Variants in STK32B observed in about 807,000 individuals in gnomAD.
STK32B encodes serine/threonine kinase 32B.
A neutral mutation model predicts 52.6 loss-of-function variants in STK32B; 43 were observed. That is an observed-to-expected ratio of 0.82 (90% CI 0.64 to 1.05). STK32B has a LOEUF of 1.05. Among genes scored for constraint, STK32B ranks in the 50% least tolerant of loss-of-function variants. The probability of loss-of-function intolerance (pLI) is 0.00; values close to 1 mark genes in which losing one functional copy is unlikely to be tolerated. For missense variants in STK32B, 621 were observed against 534.6 expected, an observed-to-expected ratio of 1.16 and a Z score of -1.59; for synonymous variants, 238 against 204.3, an observed-to-expected ratio of 1.17 and a Z score of -1.41.
rs183356065 is a variant in STK32B, at chr4:5,484,447, C to T, written c.1107-14498C>T. 7.8e-3 allele frequency among the ~76,000 whole-genome samples: 1,192 copies of T among 152,190 alleles called. 17 individuals are homozygous for T. Among genetic ancestry groups the T allele is most frequent in the African/African-American group, 0.027 (1,123 of 41,502 alleles). ...TTTGTTTTCCATTTGCTTGGTAGAT[C>T]TTCCTCCATCCCTTTATTTTGAGCC... On this transcript the variant is annotated intron_variant, in intron 11 of 11. Coordinates refer to ENST00000282908, the MANE Select transcript of STK32B (RefSeq NM_018401.3).
At chr4:5,280,123 A>G (rs921891178) in intron 3 of STK32B, among the ~76,000 whole-genome samples, 1 of 152,134 alleles carries the variant, frequency 6.6e-6, no homozygotes. Context: ...TTTCTACCAC[A>G]TGGTCAGGCT....
In STK32B at chr4:5,168,383, G is replaced by T; in HGVS notation, c.193G>T (p.Val65Phe). ...GCAGAAGTGCATCGAGAGGGATGAG[G>T]TTCGGAATGTTTTCCGGGAGCTGCA... Reference protein sequence around the residue: ...NKQKCIERDEVRNVFRELQIM... With the variant: ...NKQKCIERDEFRNVFRELQIM... Residue 65 changes from valine (V) to phenylalanine (F), a missense_variant, in exon 3 of 12, where the codon GTT (valine) becomes TTT (phenylalanine). Transcript: ENST00000282908. The T allele has an allele frequency of 6.2e-7, 1 of 1,613,938 alleles. No homozygotes were observed. Among genetic ancestry groups the T allele is most frequent in the Non-Finnish European group, 8.5e-7 (1 of 1,179,990 alleles).
intron 11 of STK32B, among the ~76,000 whole-genome samples, chr4:5,486,224 G>A (rs988177379): frequency 6.6e-6 from 1 of 152,204 alleles, no homozygotes; most frequent in African/African-American, 2.4e-5. Context: ...TTGAGCCGTA[G>A]TGGGCTCCAC....
chr4:5,441,587 TTG>T, intron 6 of STK32B, among the ~76,000 whole-genome samples: 1 of 151,894 alleles, frequency 6.6e-6, no homozygotes, highest in African/African-American at 2.4e-5. Context: ...GAAGGGTTTT[TTG>T]TGTCTCTATT....
chr4:5,051,444 G>C, upstream of STK32B: 1 of 204,808 alleles, frequency 4.9e-6, no homozygotes, highest in South Asian at 1.3e-4. Context: ...GCCGCCCACT[G>C]CGTGCTGCCT....
At chr4:5,408,433 T>G (rs1210988417) in intron 5 of STK32B, among the ~76,000 whole-genome samples, 1 of 152,106 alleles carries the variant, frequency 6.6e-6, no homozygotes, top group Non-Finnish European at 1.5e-5. Flanking sequence ...TCACCATGAT[T>G]GTACATTTTC....
intron 3 of STK32B, among the ~76,000 whole-genome samples, chr4:5,239,435 C>T (rs1216266197): frequency 6.6e-6 from 1 of 152,054 alleles, no homozygotes; most frequent in Non-Finnish European, 1.5e-5. Flanking sequence ...TGCTTGTGGC[C>T]TGAAGGTGAG....
chr4:5,240,965 G>T (rs545638199), intron 3 of STK32B, among the ~76,000 whole-genome samples: 1 of 152,202 alleles, frequency 6.6e-6, no homozygotes, highest in East Asian at 1.9e-4. Flanking sequence ...ACAGTAAATT[G>T]TAAGTTCTTT....
Position 5,460,182 on chromosome 4 carries a change from G to C in STK32B, c.863G>C (p.Trp288Ser). Residue 288 changes from tryptophan to serine, a missense_variant, in exon 9 of 12, where the codon TGG (tryptophan) becomes TCG (serine). Trp to Ser is a radical substitution (Grantham distance 177, BLOSUM62 -3). Transcript: ENST00000282908. This position sits in a 1 kb window ranked among gnomAD's most constrained non-coding sequence, Gnocchi z 4.8. ...GTGCCCTACTTGGCCGACATGAACT[G>C]GGACGCGGTGTTCAAGAAGGCACTG... is the stretch of plus-strand genomic sequence containing the variant. ...QSVPYLADMN[W>S]DAVFKKALMP... 1 of 1,614,098 alleles carries C rather than the reference G, an allele frequency of 6.2e-7. No individual in the cohort carries two copies. Among genetic ancestry groups the C allele is most frequent in the Non-Finnish European group, 8.5e-7 (1 of 1,180,014 alleles).
intron 1 of STK32B, among the ~76,000 whole-genome samples, chr4:5,111,242 C>G (rs985433062): frequency 1.3e-5 from 2 of 152,154 alleles, no homozygotes; most frequent in African/African-American, 4.8e-5. Context: ...GACCATTTGA[C>G]TCAACAACTC....
chr4:5,057,969 AAC>A (rs142508065), intron 1 of STK32B, among the ~76,000 whole-genome samples: 18,234 of 152,116 alleles, frequency 0.12, 1,185 homozygotes, highest in East Asian at 0.24. Context: ...AGAAGAGAAA[AAC>A]ACACTCTATT....
At chr4:5,134,197 C>T (rs965180556) in intron 1 of STK32B, among the ~76,000 whole-genome samples, 2 of 152,140 alleles carry the variant, frequency 1.3e-5, no homozygotes, top group African/African-American at 2.4e-5. Flanking sequence ...GCAAATCTTC[C>T]AATTTCTTGC....
upstream of STK32B, among the ~76,000 whole-genome samples, chr4:5,050,884 G>A: frequency 1.3e-5 from 2 of 152,184 alleles, 1 homozygote; most frequent in Non-Finnish European, 2.9e-5. Context: ...CAATTTTGGG[G>A]GAATCCCGAG....
intron 11 of STK32B, among the ~76,000 whole-genome samples, chr4:5,481,161 G>A (rs1346838577): frequency 6.6e-6 from 1 of 152,196 alleles, no homozygotes; most frequent in Non-Finnish European, 1.5e-5. Flanking sequence ...TCGCGACACT[G>A]ACTTGCACAA....
intron 2 of STK32B, among the ~76,000 whole-genome samples, chr4:5,165,703 G>T (rs948981945): frequency 6.6e-6 from 1 of 152,130 alleles, no homozygotes; most frequent in Non-Finnish European, 1.5e-5. Flanking sequence ...TCTTTGCTTG[G>T]ATTCCCACAA....
At chr4:5,112,325 T>C (rs76082694) in intron 1 of STK32B, among the ~76,000 whole-genome samples, 1 of 152,162 alleles carries the variant, frequency 6.6e-6, no homozygotes, top group Non-Finnish European at 1.5e-5. Context: ...AATTGATTCA[T>C]GTATTCAGGA....
chr4:5,026,591 C>T, the STK32B span, among the ~76,000 whole-genome samples: 1 of 152,190 alleles, frequency 6.6e-6, no homozygotes, highest in Admixed American at 6.5e-5. Context: ...TGTTCATGCT[C>T]TCGACACATG....
intron 1 of STK32B, among the ~76,000 whole-genome samples, chr4:5,117,877 A>G (rs572472319): frequency 3.3e-5 from 5 of 152,146 alleles, no homozygotes; most frequent in Non-Finnish European, 7.3e-5. Flanking sequence ...TGTATGTTGA[A>G]CCATCCCAGC....
At chr4:5,023,469 A>C in the STK32B span, among the ~76,000 whole-genome samples, 24 of 152,150 alleles carry the variant, frequency 1.6e-4, no homozygotes, top group Non-Finnish European at 5.9e-5. Context: ...ACTTCCTTCC[A>C]GTCTCTGGGC....
Sources: allele counts gnomAD v4.1 joint callset (sites outside exome capture counted in the v4.1 genomes callset), GRCh38; gene constraint gnomAD v4.1.1; non-coding constraint Gnocchi (gnomAD v3.1); transcripts MANE v1.5; gene names NCBI Gene and HGNC (gene_info 2026-07-23, HGNC 2026-07-21).